Variants in PCDH10 observed in about 807,000 individuals in gnomAD.
The protein encoded by PCDH10 is protocadherin 10.
PCDH10 carries 15 observed loss-of-function variants against 74.4 expected under a neutral mutation model. That is an observed-to-expected ratio of 0.20 (90% CI 0.13 to 0.31). PCDH10 has a LOEUF of 0.31. PCDH10 is among the 10% of genes least tolerant of loss of function. The probability of loss-of-function intolerance (pLI) is 1.00; values close to 1 mark genes in which losing one functional copy is unlikely to be tolerated. For missense variants in PCDH10, 1,260 were observed against 1,390.2 expected (o/e 0.91, Z 1.49); for synonymous variants, 619 against 589.8 (o/e 1.05, Z -0.72).
At chr4:133,200,629 T>TA (rs1727886279) in intron 2 of PCDH10, among the ~76,000 whole-genome samples, 1 of 152,182 alleles carries the variant, frequency 6.6e-6, no homozygotes, top group Non-Finnish European at 1.5e-5. Context: ...TCCCACAGGA[T>TA]AATAGAATGT....
chr4:133,183,381 A>G (rs1727461398), intron 4 of PCDH10, among the ~76,000 whole-genome samples: 1 of 151,958 alleles, frequency 6.6e-6, no homozygotes, highest in East Asian at 1.9e-4. Context: ...ATACATAGAA[A>G]TTTCTCAGTG....
intron 4 of PCDH10, among the ~76,000 whole-genome samples, chr4:133,171,041 A>C (rs1408881296): frequency 1.3e-5 from 2 of 151,838 alleles, no homozygotes; most frequent in African/African-American, 2.4e-5. Flanking sequence ...AAAAAAAAAA[A>C]CTATGACACT....
At position 133,151,109 on chromosome 4, in the gene PCDH10, G is replaced by A. The variant is rs13144059; in HGVS notation, c.969G>A (p.Val323=). 31,846 of 1,614,086 alleles carry A rather than the reference G, an allele frequency of 0.02. 1,159 individuals carry two copies. The highest frequency in any genetic ancestry group is 0.17 in the East Asian group (7,596 of 44,846). Residue 323 remains valine (V), a synonymous_variant, in exon 1 of 5, where the codon GTG becomes GTA. Transcript: ENST00000264360. ...SGELDYEESP[V]YQVYVQAKDL... ...AGTTGGACTATGAAGAGAGCCCAGT[G>A]TACCAAGTGTACGTGCAAGCCAAGG...
chr4:133,199,118 C>A (rs577514133), downstream of PCDH10, among the ~76,000 whole-genome samples: 59 of 150,970 alleles, frequency 3.9e-4, 1 homozygote, highest in African/African-American at 1.2e-3. Context: ...CCTGTCCCTA[C>A]AAAAAAAATT....
chr4:133,155,446 T>C (rs960087129), intron 3 of PCDH10, among the ~76,000 whole-genome samples: 2 of 152,200 alleles, frequency 1.3e-5, no homozygotes. Flanking sequence ...AAATGGATGA[T>C]TGAAGACTAG....
chr4:133,203,793 T>C (rs1483981704), intron 2 of PCDH10, among the ~76,000 whole-genome samples: 1 of 152,220 alleles, frequency 6.6e-6, no homozygotes, highest in Non-Finnish European at 1.5e-5. Context: ...GGTAAAAATG[T>C]TGGGAGCCTA....
At chr4:133,179,510 GTTC>G (rs1008093060) in intron 4 of PCDH10, among the ~76,000 whole-genome samples, 1 of 151,960 alleles carries the variant, frequency 6.6e-6, no homozygotes, top group African/African-American at 2.4e-5. Context: ...TATACATTCT[GTTC>G]TTCTGACATC....
intron 4 of PCDH10, among the ~76,000 whole-genome samples, chr4:133,170,338 G>A (rs920599205): frequency 1.3e-5 from 2 of 151,926 alleles, no homozygotes; most frequent in South Asian, 2.1e-4. Context: ...ATTAACTTTG[G>A]TAAAGTGTCT....
intron 3 of PCDH10, among the ~76,000 whole-genome samples, chr4:133,156,046 T>G (rs1726857493): frequency 1.3e-5 from 2 of 152,232 alleles, no homozygotes; most frequent in African/African-American, 2.4e-5. Context: ...TTCAACTCTC[T>G]TGAGACTGGA....
Position 133,150,089 on chromosome 4 carries a change from G to A in PCDH10, c.-52G>A. The A allele has an allele frequency of 6.8e-7, 1 of 1,462,708 alleles. No individual in the cohort carries two copies. Among genetic ancestry groups the A allele is most frequent in the Non-Finnish European group, 9.0e-7 (1 of 1,104,982 alleles). The allele number at this position is 1,462,708 out of a possible 1,614,324, so 90.6% of individuals were successfully genotyped here. A position where few individuals can be genotyped will look rare whatever the true frequency, so the allele number is the denominator to read the frequency against. On this transcript the variant is annotated 5_prime_UTR_variant, in exon 1 of 5. Transcript: ENST00000264360. ...TTTTTTGTTTCGTGGTGGTGGGGGA[G>A]GTGATTGGGTGGCTGACTGGCTGCG...
intron 2 of PCDH10, among the ~76,000 whole-genome samples, chr4:133,200,324 C>G (rs565814246): frequency 6.6e-6 from 1 of 151,414 alleles, no homozygotes; most frequent in Non-Finnish European, 1.5e-5. Flanking sequence ...AGGCTTGACC[C>G]ATGTAAAAAG....
At chr4:133,189,163 A>G (rs974054741) in intron 4 of PCDH10, among the ~76,000 whole-genome samples, 1 of 152,172 alleles carries the variant, frequency 6.6e-6, no homozygotes, top group Admixed American at 6.6e-5. Context: ...TGTTTAAAAA[A>G]AGCAACCATT....
intron 4 of PCDH10, chr4:133,164,023 G>A (rs1458834994): frequency 1.3e-5 from 6 of 455,880 alleles, no homozygotes; most frequent in Admixed American, 2.4e-5. Flanking sequence ...TAAAGGAATG[G>A]TCTTTTATTA....
At chr4:133,162,405 T>C (rs558049576) in intron 3 of PCDH10, among the ~76,000 whole-genome samples, 1 of 152,248 alleles carries the variant, frequency 6.6e-6, no homozygotes, top group African/African-American at 2.4e-5. Context: ...GAAATTGTGT[T>C]TTATTCTTGT....
intron 4 of PCDH10, 76 bp downstream of exon 4, chr4:133,163,358 A>T: frequency 7.5e-7 from 1 of 1,326,588 alleles, no homozygotes; most frequent in Non-Finnish European, 1.0e-6. Flanking sequence ...TCTTTTTGGT[A>T]AAAATGGAGT....
In PCDH10 at chr4:133,150,715, A is replaced by G; in HGVS notation, c.575A>G (p.Glu192Gly). The change falls in exon 1 of 5, where the codon GAG becomes GGG. Residue 192 changes from glutamate (E) to glycine (G), a missense_variant. Coordinates refer to ENST00000264360, the MANE Select transcript of PCDH10 (RefSeq NM_032961.3). ...ELVLEKPLDREQQAVHRYVLT... is the reference protein window; with the variant it reads ...ELVLEKPLDRGQQAVHRYVLT... Reference sequence around the variant, plus strand: ...GTGCTGGAGAAGCCACTGGACCGAGAGCAGCAAGCGGTGCACCGCTACGTG... The same window carrying G: ...GTGCTGGAGAAGCCACTGGACCGAGGGCAGCAAGCGGTGCACCGCTACGTG... The G allele has an allele frequency of 6.2e-7, 1 of 1,610,876 alleles. No individual in the cohort carries two copies. The highest frequency in any genetic ancestry group is 8.5e-7 in the Non-Finnish European group (1 of 1,179,406).
Position 133,151,744 on chromosome 4 carries a change from A to C in PCDH10, c.1604A>C (p.Gln535Pro), listed in dbSNP as rs1726704329. The C allele has an allele frequency of 1.9e-6, 3 of 1,613,150 alleles. No homozygotes were observed. Among genetic ancestry groups the C allele is most frequent in the Non-Finnish European group, 2.5e-6 (3 of 1,180,044 alleles). The change falls in exon 1 of 5, where the codon CAG becomes CCG. Residue 535 changes from glutamine to proline, a missense_variant. Gln to Pro is a moderately conservative substitution (Grantham distance 76). Coordinates refer to ENST00000264360, the MANE Select transcript of PCDH10 (RefSeq NM_032961.3). ...LYALRSFDYEQLKDFSFQVEA... is the reference protein window; with the variant it reads ...LYALRSFDYEPLKDFSFQVEA... ...GCCCTGCGCTCCTTCGACTATGAGCAGCTGAAGGACTTCAGTTTTCAGGTG... is the reference window on the plus strand; with the variant it reads ...GCCCTGCGCTCCTTCGACTATGAGCCGCTGAAGGACTTCAGTTTTCAGGTG...
At chr4:133,173,277 A>G (rs1364699844) in intron 4 of PCDH10, among the ~76,000 whole-genome samples, 2 of 152,056 alleles carry the variant, frequency 1.3e-5, no homozygotes, top group Admixed American at 6.6e-5. Flanking sequence ...TAAAGAGGTG[A>G]CATAATAAAT....
intron 2 of PCDH10, among the ~76,000 whole-genome samples, chr4:133,206,126 T>C (rs1728000758): frequency 6.6e-6 from 1 of 152,128 alleles, no homozygotes; most frequent in Admixed American, 6.6e-5. Flanking sequence ...TAGACATATT[T>C]TTCTTCCTGG....
Sources: allele counts gnomAD v4.1 joint callset (sites outside exome capture counted in the v4.1 genomes callset), GRCh38; gene constraint gnomAD v4.1.1; transcripts MANE v1.5; gene names NCBI Gene and HGNC (gene_info 2026-07-23, HGNC 2026-07-21).